ANKRD26: variants seen among roughly 807,000 people sequenced by gnomAD.
ANKRD26 encodes ankyrin repeat domain-containing protein 26.
Under a neutral mutation model 208.7 loss-of-function variants are expected in ANKRD26, and 141 were observed. That is an observed-to-expected ratio of 0.68 (90% CI 0.59 to 0.78). The LOEUF is 0.78. ANKRD26 is among the 30% of genes least tolerant of loss of function. The pLI is 0.00. For missense variants in ANKRD26, 1,889 were observed against 1,938.7 expected (o/e 0.97, Z 0.48); for synonymous variants, 636 against 660.4 (o/e 0.96, Z 0.57).
chr10:26,987,812 A>G (rs562877888), downstream of ANKRD26, among the ~76,000 whole-genome samples: 25 of 152,300 alleles, frequency 1.6e-4, no homozygotes, highest in South Asian at 5.2e-3. Flanking sequence ...GCGGTACATA[A>G]ATGGTAAGGG....
chr10:26,960,277 GA>G, the ANKRD26 span, among the ~76,000 whole-genome samples: 1 of 152,214 alleles, frequency 6.6e-6, no homozygotes, highest in African/African-American at 2.4e-5. Context: ...GCTTTTAAGA[GA>G]ACCGGCAGCT....
At chr10:26,956,106 T>C in the ANKRD26 span, among the ~76,000 whole-genome samples, 1 of 152,222 alleles carries the variant, frequency 6.6e-6, no homozygotes, top group African/African-American at 2.4e-5. Context: ...CTTAAAGTGG[T>C]CTTACAAGGA....
In ANKRD26 at chr10:27,047,701, A is replaced by ACTAC. The variant is rs1554782089; in HGVS notation, c.1814+1099_1814+1100insGTAG. ...ATTTACCACCAGAAAAACTGTAATA[A>ACTAC]TACTACTACTACTACTACTACTAAT... On this transcript the variant is annotated intron_variant, in intron 17 of 33. Transcript: ENST00000376087. Among the ~76,000 whole-genome samples, 395 of 138,878 alleles carry ACTAC rather than the reference A, an allele frequency of 2.8e-3. 2 individuals carry two copies. The highest frequency in any genetic ancestry group is 0.021 in the East Asian group (96 of 4,594). 91.1% of individuals were successfully genotyped at this position (138,878 alleles called of 152,430 possible).
chr10:27,032,908 A>G (rs975448978), intron 25 of ANKRD26, among the ~76,000 whole-genome samples: 2 of 150,018 alleles, frequency 1.3e-5, no homozygotes, highest in Non-Finnish European at 3.0e-5. Context: ...CGTCTCTACT[A>G]AAAAAAACCA....
intron 4 of ANKRD26, among the ~76,000 whole-genome samples, chr10:26,998,740 C>T (rs538599524): frequency 2.0e-4 from 30 of 152,154 alleles, no homozygotes; most frequent in Non-Finnish European, 3.7e-4. Flanking sequence ...CTATAGGGTC[C>T]CCCTTTTCCC....
intron 4 of ANKRD26, among the ~76,000 whole-genome samples, chr10:26,996,873 C>G (rs980412761): frequency 4.6e-5 from 7 of 152,130 alleles, no homozygotes; most frequent in African/African-American, 1.4e-4. Flanking sequence ...TCACTTTTCT[C>G]TCTTCTCCGC....
chr10:26,968,093 A>G, the ANKRD26 span, among the ~76,000 whole-genome samples: 4 of 152,112 alleles, frequency 2.6e-5, no homozygotes, highest in Non-Finnish European at 4.4e-5. Context: ...ACGGTCCTCA[A>G]GAAAGTCCAA....
intron 6 of ANKRD26, chr10:27,080,636 A>G (rs1432967995): frequency 1.0e-6 from 1 of 985,252 alleles, no homozygotes; most frequent in Non-Finnish European, 1.2e-6. Context: ...CCTTCCTATA[A>G]GCTCCCACTT....
downstream of ANKRD26, among the ~76,000 whole-genome samples, chr10:26,999,381 T>C (rs1052816819): frequency 6.6e-6 from 1 of 152,316 alleles, no homozygotes; most frequent in East Asian, 1.9e-4. Context: ...TCGTTTCCTA[T>C]AGTTAGGGTT....
At chr10:27,085,091 A>ACCT (rs1222937460) in intron 5 of ANKRD26, among the ~76,000 whole-genome samples, 3 of 150,782 alleles carry the variant, frequency 2.0e-5, no homozygotes, top group East Asian at 1.9e-4. Context: ...AGAAGAACAC[A>ACCT]CTTGTTTTTT....
Position 27,012,979 on chromosome 10 carries a change from A to C in ANKRD26, c.4856T>G (p.Leu1619Ter). The C allele has an allele frequency of 1.9e-6, 3 of 1,614,012 alleles. No individual in the cohort carries two copies. The highest frequency in any genetic ancestry group is 2.5e-6 in the Non-Finnish European group (3 of 1,179,896). ...TGGAATAAGTTTTCTGTTGAGATCT[A>C]AACTATTATTAAGATTTCCCACACA... ...PPCVGNLNNS[L>*]DLNRKLIPRE... is the part of the protein sequence containing the mutation. The change falls in exon 32 of 34, where the codon TTA becomes TGA. Residue 1619 changes from leucine (L) to a stop codon, truncating the protein, a stop_gained. Transcript: ENST00000376087. LOFTEE classifies it high-confidence loss of function.
At chr10:27,083,673 T>G (rs1306363650) in intron 5 of ANKRD26, among the ~76,000 whole-genome samples, 2 of 152,224 alleles carry the variant, frequency 1.3e-5, no homozygotes, top group African/African-American at 4.8e-5. Flanking sequence ...GTCCAAGGAT[T>G]AGTGACAAAA....
At chr10:27,062,111 C>T (rs1364734848) in intron 12 of ANKRD26, 1 of 985,330 alleles carries the variant, frequency 1.0e-6, no homozygotes, top group African/African-American at 1.7e-5. Flanking sequence ...GATCTCTCTT[C>T]TTTTGCAAAA....
Position 27,045,768 on chromosome 10 carries a change from A to T in ANKRD26, c.1985+585T>A, listed in dbSNP as rs190058684. 2.2e-3 allele frequency among the ~76,000 whole-genome samples: 340 copies of T among 152,324 alleles called. 1 individual carries two copies. Among genetic ancestry groups the T allele is most frequent in the African/African-American group, 8.0e-3 (331 of 41,564 alleles). ...CATGTTTATTATTAGATAATTTTTTAAAATCCATATATGATAGTTTAACTT... is the reference window on the plus strand; with the variant it reads ...CATGTTTATTATTAGATAATTTTTTTAAATCCATATATGATAGTTTAACTT... On this transcript the variant is annotated intron_variant, in intron 18 of 33. Transcript: ENST00000376087.
intron 1 of ANKRD26, among the ~76,000 whole-genome samples, chr10:27,099,501 A>T (rs956972823): frequency 6.7e-6 from 1 of 149,706 alleles, no homozygotes; most frequent in Non-Finnish European, 1.5e-5. Context: ...TGCAGCCTAG[A>T]ACTCCTGGGC....
At chr10:27,028,189 C>T (rs2053731489) in intron 27 of ANKRD26, among the ~76,000 whole-genome samples, 1 of 152,170 alleles carries the variant, frequency 6.6e-6, no homozygotes. Context: ...ATCTGAAACT[C>T]TTGAGTGTGG....
At chr10:27,046,318 C>G (rs565432612) in intron 18 of ANKRD26, 35 bp downstream of exon 18, 185 of 1,604,970 alleles carry the variant, frequency 1.2e-4, no homozygotes, top group Non-Finnish European at 1.5e-4. Context: ...TACTAACCTT[C>G]CTCCATAGAA....
the ANKRD26 span, among the ~76,000 whole-genome samples, chr10:26,951,023 T>TTTTTTTTC: frequency 1.5e-5 from 1 of 66,980 alleles, no homozygotes; most frequent in African/African-American, 3.4e-5. Flanking sequence ...CTTTTTCTTT[T>TTTTTTTTC]TTTTTTTTTT....
chr10:27,038,901 T>C (rs1007881476), intron 21 of ANKRD26, among the ~76,000 whole-genome samples: 1 of 152,222 alleles, frequency 6.6e-6, no homozygotes, highest in African/African-American at 2.4e-5. Flanking sequence ...AGCCTAATAC[T>C]GGTTACCCCA....
Sources: gnomAD v4.1 joint callset for allele counts (sites outside exome capture counted in the v4.1 genomes callset) on GRCh38, gnomAD v4.1.1 for gene constraint, MANE v1.5 for transcripts, NCBI Gene and HGNC (gene_info 2026-07-23, HGNC 2026-07-21) for gene names.